Variants in FBXL17 observed in about 807,000 individuals in gnomAD.
FBXL17 encodes F-box and leucine rich repeat protein 17.
In FBXL17, 22 loss-of-function variants were observed where a neutral mutation model predicts 66.2. The ratio of observed to expected loss-of-function variants is 0.33; its 90% confidence interval spans 0.24 to 0.47. The LOEUF (loss-of-function observed/expected upper bound fraction) is 0.47, where lower values mean the gene tolerates loss of function less well. Ranked by LOEUF, FBXL17 falls within the 20% of genes least tolerant of loss-of-function variation. The pLI is 1.00. For synonymous variants in FBXL17, 474 were observed against 400.5 expected (o/e 1.18, Z -2.19); for missense variants, 878 against 948.2 (o/e 0.93, Z 0.97).
intron 6 of FBXL17, among the ~76,000 whole-genome samples, chr5:108,139,056 C>G (rs1045218368): frequency 2.0e-5 from 3 of 152,110 alleles, no homozygotes; most frequent in African/African-American, 7.2e-5. Flanking sequence ...CTTTAATACT[C>G]AGATGAAATG....
chr5:108,237,519 G>A (rs1004959517), intron 4 of FBXL17, among the ~76,000 whole-genome samples: 1 of 152,190 alleles, frequency 6.6e-6, no homozygotes, highest in Non-Finnish European at 1.5e-5. Flanking sequence ...TATACTGAAG[G>A]AGTCTATTTT....
At chr5:108,295,106 C>G (rs891421590) in intron 4 of FBXL17, among the ~76,000 whole-genome samples, 1 of 151,784 alleles carries the variant, frequency 6.6e-6, no homozygotes, top group East Asian at 1.9e-4. Flanking sequence ...TAAGAGTACA[C>G]TTTTTTAACT....
chr5:108,058,964 C>A (rs1370598411), intron 6 of FBXL17, among the ~76,000 whole-genome samples: 2 of 152,172 alleles, frequency 1.3e-5, no homozygotes, highest in African/African-American at 2.4e-5. Flanking sequence ...AGACTTTCTG[C>A]ACAAAACAGG....
At chr5:108,192,566 A>C (rs10515385) in intron 5 of FBXL17, among the ~76,000 whole-genome samples, 22,355 of 152,104 alleles carry the variant, frequency 0.15, 1,730 homozygotes, top group Admixed American at 0.17. Flanking sequence ...GATTATCGAA[A>C]GACCTCAAAT....
chr5:108,033,885 T>C (rs1382089796), intron 6 of FBXL17, among the ~76,000 whole-genome samples: 1 of 152,170 alleles, frequency 6.6e-6, no homozygotes, highest in Non-Finnish European at 1.5e-5. Context: ...ATTAAGGAAA[T>C]ACACAATGAC....
chr5:108,348,654 A>G (rs772269833), intron 3 of FBXL17, 124 bp from the exon 4 acceptor site: 10 of 944,534 alleles, frequency 1.1e-5, no homozygotes, highest in Non-Finnish European at 1.6e-5. Context: ...TTACTTGTAA[A>G]ATAAGATAGA....
chr5:108,186,238 G>C lies in FBXL17; in HGVS notation c.1624C>G (p.Leu542Val). The C allele has an allele frequency of 6.2e-7, 1 of 1,610,906 alleles. No individual in the cohort carries two copies. The highest frequency in any genetic ancestry group is 8.5e-7 in the Non-Finnish European group (1 of 1,178,476). The change falls in exon 6 of 9, where the codon CTT becomes GTT. Residue 542 changes from leucine to valine, a missense_variant. By Grantham distance (32) the Leu-to-Val change is conservative. Around this residue, in one of 4 missense-constraint regions of FBXL17, gnomAD observed 236 missense variants for 389.1 expected, o/e 0.61. Coordinates refer to ENST00000542267, the MANE Select transcript of FBXL17 (RefSeq NM_001163315.3). ...ATATGACGTAGGTCCAAGCTGGAAA[G>C]GTTTCTTAGCTAATGAGATAAATAA... ...GVIHLTKLRN[L>V]SSLDLRHITE...
intron 4 of FBXL17, among the ~76,000 whole-genome samples, chr5:108,324,296 G>A (rs555768978): frequency 1.3e-4 from 20 of 152,052 alleles, no homozygotes; most frequent in Middle Eastern, 3.4e-3. Flanking sequence ...CCAAAGATAC[G>A]TAAATGGCCA....
intron 6 of FBXL17, among the ~76,000 whole-genome samples, chr5:108,091,271 G>A (rs1749178482): frequency 6.6e-6 from 1 of 152,208 alleles, no homozygotes; most frequent in Non-Finnish European, 1.5e-5. Context: ...ACCAACAACA[G>A]TATTTAACAT....
chr5:108,107,212 C>T (rs1478655231), intron 6 of FBXL17, among the ~76,000 whole-genome samples: 2 of 151,992 alleles, frequency 1.3e-5, no homozygotes, highest in African/African-American at 4.8e-5. Flanking sequence ...GCTGGGATTA[C>T]AGGCATGTGC....
intron 7 of FBXL17, among the ~76,000 whole-genome samples, chr5:107,881,930 TA>T (rs1478554333): frequency 6.6e-6 from 1 of 152,202 alleles, no homozygotes; most frequent in Non-Finnish European, 1.5e-5. Flanking sequence ...ACTTATCCCA[TA>T]ATCTATGATG....
chr5:108,352,681 T>C (rs935919932), intron 3 of FBXL17, among the ~76,000 whole-genome samples: 7 of 152,150 alleles, frequency 4.6e-5, no homozygotes, highest in African/African-American at 1.4e-4. Context: ...CAGCTAATTT[T>C]TGTATTTTTA....
At chr5:108,288,562 C>G (rs1426899939) in intron 4 of FBXL17, among the ~76,000 whole-genome samples, 1 of 151,316 alleles carries the variant, frequency 6.6e-6, no homozygotes, top group Non-Finnish European at 1.5e-5. Flanking sequence ...CAAATGTTCA[C>G]ACAGTAATGA....
At chr5:108,128,110 G>A (rs1750791251) in intron 6 of FBXL17, among the ~76,000 whole-genome samples, 1 of 152,074 alleles carries the variant, frequency 6.6e-6, no homozygotes, top group South Asian at 2.1e-4. Flanking sequence ...GCTGGGCGTG[G>A]TGGTGCATGC....
chr5:108,051,694 A>C (rs1747482445), intron 6 of FBXL17, among the ~76,000 whole-genome samples: 2 of 152,094 alleles, frequency 1.3e-5, no homozygotes, highest in Non-Finnish European at 2.9e-5. Flanking sequence ...GACAAGGATG[A>C]GGCTGGGTGC....
intron 6 of FBXL17, among the ~76,000 whole-genome samples, chr5:108,153,930 C>A (rs1432035455): frequency 1.3e-5 from 2 of 152,138 alleles, no homozygotes; most frequent in Admixed American, 1.3e-4. Flanking sequence ...TTAACCTGTA[C>A]AATTTTCCTT....
intron 4 of FBXL17, among the ~76,000 whole-genome samples, chr5:108,241,995 G>C (rs1425602956): frequency 6.6e-6 from 1 of 152,078 alleles, no homozygotes; most frequent in Non-Finnish European, 1.5e-5. Context: ...ATCAACACTA[G>C]ATCTGTCCCA....
At chr5:108,152,748 G>C (rs1751820214) in intron 6 of FBXL17, among the ~76,000 whole-genome samples, 1 of 152,126 alleles carries the variant, frequency 6.6e-6, no homozygotes. Context: ...AATTAGAAAA[G>C]GACCCCTGGA....
At chr5:107,927,378 C>T (rs1200032219) in intron 7 of FBXL17, among the ~76,000 whole-genome samples, 4 of 151,988 alleles carry the variant, frequency 2.6e-5, no homozygotes, top group African/African-American at 9.7e-5. Context: ...GAGTTACTTT[C>T]CTAAAGAAGT....
Sources: allele counts gnomAD v4.1 joint callset (sites outside exome capture counted in the v4.1 genomes callset), GRCh38; gene constraint gnomAD v4.1.1; regional missense constraint gnomAD v4.1.1; transcripts MANE v1.5; gene names NCBI Gene and HGNC (gene_info 2026-07-23, HGNC 2026-07-21).